ITGB1: variants seen among roughly 807,000 people sequenced by gnomAD.
The protein encoded by ITGB1 is integrin subunit beta 1.
Under a neutral mutation model 86.5 loss-of-function variants are expected in ITGB1, and 24 were observed. That is an observed-to-expected ratio of 0.28 (90% confidence interval 0.20 to 0.39). ITGB1 has a LOEUF of 0.39. Ranked by LOEUF, ITGB1 falls within the 10% of genes least tolerant of loss-of-function variation. ITGB1 has a pLI of 1.00. For synonymous variants in ITGB1, 323 were observed against 316.8 expected (o/e 1.02, Z -0.21); for missense variants, 556 against 946.9 (o/e 0.59, Z 5.42).
At chr10:32,952,492 G>A (rs2095044495) in intron 1 of ITGB1, among the ~76,000 whole-genome samples, 1 of 151,648 alleles carries the variant, frequency 6.6e-6, no homozygotes, top group African/African-American at 2.4e-5. Flanking sequence ...TTTAAAAGAA[G>A]CACTGAAATC....
At chr10:32,918,033 C>T (rs1041511696) in intron 11 of ITGB1, among the ~76,000 whole-genome samples, 9 of 152,192 alleles carry the variant, frequency 5.9e-5, no homozygotes, top group Middle Eastern at 3.4e-3. Context: ...GATGAGTTCA[C>T]GTCCTTTGTA....
intron 1 of ITGB1, among the ~76,000 whole-genome samples, chr10:32,955,016 A>G (rs993077470): frequency 6.6e-5 from 10 of 152,184 alleles, no homozygotes; most frequent in African/African-American, 2.4e-4. Context: ...ACCGACAGAC[A>G]TATTGGAAGG....
intron 2 of ITGB1, among the ~76,000 whole-genome samples, chr10:32,933,872 AT>A (rs1215712699): frequency 6.6e-6 from 1 of 152,124 alleles, no homozygotes; most frequent in Non-Finnish European, 1.5e-5. Flanking sequence ...GCTTTTAATG[AT>A]TATGTATTTC....
chr10:32,909,195 A>C (rs1400253239), intron 14 of ITGB1, among the ~76,000 whole-genome samples: 3 of 152,238 alleles, frequency 2.0e-5, no homozygotes, highest in African/African-American at 7.2e-5. Context: ...CAGAATACAG[A>C]GTCAGAAACA....
intron 1 of ITGB1, among the ~76,000 whole-genome samples, chr10:32,957,181 C>T (rs767094547): frequency 9.2e-5 from 14 of 152,166 alleles, no homozygotes; most frequent in Non-Finnish European, 2.1e-4. Context: ...ATTACTGTTC[C>T]TATTTCACAG....
intron 15 of ITGB1, among the ~76,000 whole-genome samples, chr10:32,905,724 T>C (rs993365908): frequency 6.6e-6 from 1 of 152,198 alleles, no homozygotes; most frequent in Non-Finnish European, 1.5e-5. Context: ...ACTATGAAGA[T>C]TAAACACAGA....
intron 1 of ITGB1, among the ~76,000 whole-genome samples, chr10:32,946,758 G>A (rs921629377): frequency 9.6e-6 from 1 of 104,102 alleles, no homozygotes; most frequent in Non-Finnish European, 2.1e-5. Context: ...CTGGGGGGGG[G>A]GGGGGGATTA....
At chr10:32,941,401 A>C (rs1284622414) in intron 1 of ITGB1, among the ~76,000 whole-genome samples, 4 of 152,212 alleles carry the variant, frequency 2.6e-5, no homozygotes, top group South Asian at 4.1e-4. Flanking sequence ...TATAAGTTAT[A>C]TTATCTTAAA....
At chr10:32,910,519 C>T (rs2094910017) in intron 13 of ITGB1, 64 bp from the exon 14 acceptor site, 1 of 1,117,686 alleles carries the variant, frequency 8.9e-7, no homozygotes, top group Non-Finnish European at 1.3e-6. Flanking sequence ...TTTGCTTAAA[C>T]ATATTTCCCA....
chr10:32,930,515 A>C (rs2094979949), intron 3 of ITGB1, among the ~76,000 whole-genome samples: 1 of 152,188 alleles, frequency 6.6e-6, no homozygotes, highest in Non-Finnish European at 1.5e-5. Flanking sequence ...GAGCTTAAAA[A>C]CATCTCAATT....
At chr10:32,901,739 C>A (rs1053795902) in intron 15 of ITGB1, 104 bp from the exon 16 acceptor site, 2 of 707,598 alleles carry the variant, frequency 2.8e-6, no homozygotes, top group Admixed American at 5.8e-5. Context: ...CTTAAGAAGT[C>A]ATTTCTATTT....
chr10:32,909,748 A>G (rs981236718), intron 14 of ITGB1, among the ~76,000 whole-genome samples: 1 of 152,138 alleles, frequency 6.6e-6, no homozygotes, highest in East Asian at 1.9e-4. Flanking sequence ...AGAAAATTCC[A>G]AAGAATCTAC....
rs200759951 is a variant in ITGB1, at chr10:32,922,666, T to G, written c.1012A>C (p.Thr338Pro). The G allele has an allele frequency of 1.6e-5, 25 of 1,602,116 alleles. No individual in the cohort carries two copies. ...TTGTAAACAGGCTGAAATTCTTCAG[T>G]AACTGCAAAAATTGTCTGAATATTA... Reference protein sequence around the residue: ...ENNIQTIFAVTEEFQPVYKEL... With the variant: ...ENNIQTIFAVPEEFQPVYKEL... Residue 338 changes from threonine (T) to proline (P), a missense_variant, in exon 8 of 16, where the codon ACT becomes CCT. Thr to Pro is a conservative substitution (Grantham distance 38). This residue lies in a region of ITGB1 where 330 missense variants were observed against 531.5 expected (regional missense o/e 0.62). Transcript: ENST00000302278.
intron 6 of ITGB1, among the ~76,000 whole-genome samples, chr10:32,924,618 C>T (rs1593868260): frequency 6.6e-6 from 1 of 152,108 alleles, no homozygotes; most frequent in African/African-American, 2.4e-5. Flanking sequence ...TTGTTTAATA[C>T]CACAGGTTAA....
chr10:32,930,641 A>C (rs889840902), intron 3 of ITGB1, among the ~76,000 whole-genome samples: 2 of 152,212 alleles, frequency 1.3e-5, no homozygotes, highest in African/African-American at 4.8e-5. Context: ...TTTTTAAAAA[A>C]CTTTTAAAAA....
At chr10:32,913,507 A>C (rs886518792) in intron 11 of ITGB1, among the ~76,000 whole-genome samples, 3 of 152,220 alleles carry the variant, frequency 2.0e-5, no homozygotes, top group Non-Finnish European at 4.4e-5. Context: ...ATGGCATGAG[A>C]ACCATGTGAT....
At chr10:32,922,499 G>T in intron 8 of ITGB1, 141 bp downstream of exon 8, 3 of 751,812 alleles carry the variant, frequency 4.0e-6, no homozygotes, top group Non-Finnish European at 4.4e-6. Flanking sequence ...TATAATATGT[G>T]ATTAAAAATT....
chr10:32,954,065 T>G (rs960161347), intron 1 of ITGB1, among the ~76,000 whole-genome samples: 1 of 152,180 alleles, frequency 6.6e-6, no homozygotes, highest in African/African-American at 2.4e-5. Context: ...CCTCCTTTGG[T>G]GTTTGCATGC....
At chr10:32,912,829 G>C (rs556232452) in intron 11 of ITGB1, among the ~76,000 whole-genome samples, 1 of 152,146 alleles carries the variant, frequency 6.6e-6, no homozygotes, top group Non-Finnish European at 1.5e-5. Flanking sequence ...CTCCCAGCAC[G>C]GAGTCTGACA....
Sources: allele counts gnomAD v4.1 joint callset (sites outside exome capture counted in the v4.1 genomes callset), GRCh38; gene constraint gnomAD v4.1.1; regional missense constraint gnomAD v4.1.1; transcripts MANE v1.5; gene names NCBI Gene and HGNC (gene_info 2026-07-23, HGNC 2026-07-21).